PRKN: variants seen among roughly 807,000 people sequenced by gnomAD.
PRKN encodes the protein parkin RBR E3 ubiquitin protein ligase, also known as E3 ubiquitin-protein ligase parkin.
Under a neutral mutation model 59.5 loss-of-function variants are expected in PRKN, and 56 were observed. That is an observed-to-expected ratio of 0.94 (90% CI 0.76 to 1.18). The LOEUF is 1.18. Ranked by LOEUF, PRKN falls within the 50% of genes most tolerant of loss-of-function variation. The probability of loss-of-function intolerance (pLI) is 0.00; values close to 1 mark genes in which losing one functional copy is unlikely to be tolerated. For synonymous variants in PRKN, 250 were observed against 222.1 expected (o/e 1.13, Z -1.12); for missense variants, 657 against 596.4 (o/e 1.10, Z -1.06).
rs540163425 is a variant in PRKN at position 162,040,568 on chromosome 6, G to A, written c.618+13523C>T. The stretch of plus-strand genomic sequence containing the variant: ...TATACAGGCGCCCACCACCATGCCC[G>A]GCTATTTTTTTTTTTTTTTTTTTGT... On this transcript the variant is annotated intron_variant, in intron 5 of 11. Transcript: ENST00000366898. 5.6e-5 allele frequency among the ~76,000 whole-genome samples: 7 copies of A among 125,140 alleles called. No individual in the cohort carries two copies. In the South Asian group the frequency reaches 1.9e-3, roughly 33 times the overall value. 82.1% of individuals were successfully genotyped at this position (125,140 alleles called of 152,430 possible).
At chr6:162,007,488 T>G (rs560252956) in intron 5 of PRKN, among the ~76,000 whole-genome samples, 1 of 152,258 alleles carries the variant, frequency 6.6e-6, no homozygotes, top group Non-Finnish European at 1.5e-5. Context: ...GTGAATATAC[T>G]TCTGAAAATG....
chr6:162,020,332 C>CAAAAAAAAAAAAAAAAAA (rs771141235), intron 5 of PRKN, among the ~76,000 whole-genome samples: 35 of 45,490 alleles, frequency 7.7e-4, no homozygotes, highest in Non-Finnish European at 1.1e-3. Context: ...ACCAATGAAT[C>CAAAAAAAAAAAAAAAAAA]AAAAAAAAAA....
intron 6 of PRKN, among the ~76,000 whole-genome samples, chr6:161,816,916 A>C (rs1172246581): frequency 5.3e-5 from 8 of 152,098 alleles, no homozygotes. Flanking sequence ...GTCCTCCAAA[A>C]CGGTACCCAT....
At chr6:162,357,886 A>C (rs759826162) in intron 2 of PRKN, among the ~76,000 whole-genome samples, 1 of 152,230 alleles carries the variant, frequency 6.6e-6, no homozygotes, top group Non-Finnish European at 1.5e-5. Context: ...GTGAAAGATC[A>C]GTGATTGCCA....
chr6:161,871,071 AAGAG>A (rs1396939891), intron 6 of PRKN, among the ~76,000 whole-genome samples: 6 of 70,132 alleles, frequency 8.6e-5, no homozygotes. Context: ...GAGAGAAAAT[AAGAG>A]AGAGAAAATA....
intron 1 of PRKN, among the ~76,000 whole-genome samples, chr6:162,447,390 A>G (rs1265979596): frequency 1.3e-5 from 2 of 152,196 alleles, no homozygotes; most frequent in Non-Finnish European, 2.9e-5. Context: ...ATTACATATG[A>G]AAAGCTTGGA....
intron 1 of PRKN, among the ~76,000 whole-genome samples, chr6:162,636,937 C>G (rs1179231124): frequency 2.0e-5 from 3 of 149,508 alleles, no homozygotes; most frequent in Non-Finnish European, 4.4e-5. Context: ...ATCAGCCTGG[C>G]AACGGAGCGA....
At chr6:162,005,299 C>T (rs985833501) in intron 5 of PRKN, among the ~76,000 whole-genome samples, 1 of 152,004 alleles carries the variant, frequency 6.6e-6, no homozygotes, top group Non-Finnish European at 1.5e-5. Context: ...TATAGAATAC[C>T]AGGAAAGTTG....
At chr6:161,864,026 C>T (rs902578621) in intron 6 of PRKN, among the ~76,000 whole-genome samples, 7 of 152,166 alleles carry the variant, frequency 4.6e-5, no homozygotes, top group African/African-American at 1.7e-4. Flanking sequence ...CTTGCCTCAA[C>T]GCTGATGGCT....
chr6:162,102,408 C>A (rs1179359193), intron 4 of PRKN, among the ~76,000 whole-genome samples: 1 of 152,116 alleles, frequency 6.6e-6, no homozygotes, highest in South Asian at 2.1e-4. Context: ...CAATTAATGG[C>A]AATCATCAAT....
At chr6:161,365,198 T>G (rs1785152096) in intron 10 of PRKN, among the ~76,000 whole-genome samples, 1 of 152,070 alleles carries the variant, frequency 6.6e-6, no homozygotes, top group Non-Finnish European at 1.5e-5. Flanking sequence ...TAGAATGTAA[T>G]AGAAAGTATA....
At chr6:161,536,677 T>C (rs936508520) in intron 9 of PRKN, among the ~76,000 whole-genome samples, 2 of 152,176 alleles carry the variant, frequency 1.3e-5, no homozygotes, top group African/African-American at 2.4e-5. Flanking sequence ...CATTCTGAGG[T>C]AGTTTGTGTC....
intron 1 of PRKN, among the ~76,000 whole-genome samples, chr6:162,580,372 G>T (rs1339274466): frequency 3.3e-5 from 5 of 151,604 alleles, no homozygotes; most frequent in Non-Finnish European, 5.9e-5. Context: ...CAGGAAGGTG[G>T]AGATTTCTTT....
intron 2 of PRKN, among the ~76,000 whole-genome samples, chr6:162,303,412 G>A (rs963686998): frequency 1.3e-5 from 2 of 152,070 alleles, no homozygotes; most frequent in Non-Finnish European, 2.9e-5. Context: ...TGTTCAATGC[G>A]ATTCCTTTCA....
chr6:161,518,096 C>T lies in PRKN; in HGVS notation c.1083+30758G>A, dbSNP rs545439735. Among the ~76,000 whole-genome samples, 41 of 152,292 alleles carry T rather than the reference C, an allele frequency of 2.7e-4. No homozygotes were observed. Among genetic ancestry groups the T allele is most frequent in the African/African-American group, 9.1e-4 (38 of 41,560 alleles). ...TGAGGGCATGTGCGAGTCTAGCTCT[C>T]CAGATACCTTAGATGAAGGCCACTG... is the stretch of plus-strand genomic sequence containing the variant. On this transcript the variant is annotated intron_variant, in intron 9 of 11. Transcript: ENST00000366898. The surrounding 1 kb of genome is among the most constrained non-coding windows in gnomAD (Gnocchi z 5.0).
At chr6:162,617,606 C>T (rs923111518) in intron 1 of PRKN, among the ~76,000 whole-genome samples, 43 of 151,986 alleles carry the variant, frequency 2.8e-4, no homozygotes, top group Non-Finnish European at 5.3e-4. Context: ...AACTTTGTAC[C>T]CTTTGACCAA....
Position 161,880,176 on chromosome 6 carries a change from A to G in PRKN, c.734+93126T>C, listed in dbSNP as rs986243731. ...TATCTTATTAAAATGATAATAGACAATGAATTTCAATATTTTATATTTTCA... is the reference window on the plus strand; with the variant it reads ...TATCTTATTAAAATGATAATAGACAGTGAATTTCAATATTTTATATTTTCA... On this transcript the variant is annotated intron_variant, in intron 6 of 11. Coordinates refer to ENST00000366898, the MANE Select transcript of PRKN (RefSeq NM_004562.3). 5.9e-5 allele frequency among the ~76,000 whole-genome samples: 9 copies of G among 152,356 alleles called. No homozygotes were observed. In the South Asian group the frequency reaches 8.3e-4, roughly 14 times the overall value.
At chr6:161,398,557 C>A (rs1786878434) in intron 9 of PRKN, among the ~76,000 whole-genome samples, 1 of 152,178 alleles carries the variant, frequency 6.6e-6, no homozygotes, top group Non-Finnish European at 1.5e-5. Flanking sequence ...CTCAGGAACT[C>A]CACTCAGAAT....
At chr6:162,118,495 T>G (rs1286535767) in intron 4 of PRKN, among the ~76,000 whole-genome samples, 1 of 152,162 alleles carries the variant, frequency 6.6e-6, no homozygotes, top group African/African-American at 2.4e-5. Flanking sequence ...CTTCCCCTAG[T>G]TTTCAATATT....
Sources: gnomAD v4.1 joint callset for allele counts (sites outside exome capture counted in the v4.1 genomes callset) on GRCh38, gnomAD v4.1.1 for gene constraint, Gnocchi (gnomAD v3.1) non-coding constraint, MANE v1.5 for transcripts, NCBI Gene and HGNC (gene_info 2026-07-23, HGNC 2026-07-21) for gene names.